DPP10: variants seen among roughly 807,000 people sequenced by gnomAD.
The protein encoded by DPP10 is inactive dipeptidyl peptidase 10.
A neutral mutation model predicts 120.9 loss-of-function variants in DPP10; 33 were observed. That is an observed-to-expected ratio of 0.27 (90% CI 0.21 to 0.37). The LOEUF (loss-of-function observed/expected upper bound fraction) is 0.37, where lower values mean the gene tolerates loss of function less well. DPP10 is among the 10% of genes least tolerant of loss of function. DPP10 has a pLI of 1.00. For missense variants in DPP10, 816 were observed against 942.8 expected (o/e 0.87, Z 1.76); for synonymous variants, 337 against 326.1 (o/e 1.03, Z -0.36).
At chr2:114,743,782 T>C (rs532584191) in intron 1 of DPP10, among the ~76,000 whole-genome samples, 1 of 152,122 alleles carries the variant, frequency 6.6e-6, no homozygotes, top group Non-Finnish European at 1.5e-5. Flanking sequence ...AGAAGTTTCA[T>C]AGAGCCACAT....
At chr2:114,907,179 C>T (rs1694036520) in intron 1 of DPP10, among the ~76,000 whole-genome samples, 1 of 151,844 alleles carries the variant, frequency 6.6e-6, no homozygotes, top group South Asian at 2.1e-4. Flanking sequence ...GTAATTTTAG[C>T]AATGTAAGTC....
intron 1 of DPP10, among the ~76,000 whole-genome samples, chr2:115,069,461 T>C (rs1022692641): frequency 6.6e-6 from 1 of 152,102 alleles, no homozygotes; most frequent in Admixed American, 6.5e-5. Flanking sequence ...TTTTTCCATA[T>C]ATACAGTCAT....
At chr2:115,046,199 A>G (rs1705058752) in intron 1 of DPP10, among the ~76,000 whole-genome samples, 1 of 152,224 alleles carries the variant, frequency 6.6e-6, no homozygotes, top group South Asian at 2.1e-4. Flanking sequence ...CCATCTGTAA[A>G]ATTATCATTT....
chr2:115,286,245 C>A (rs1253078020), intron 1 of DPP10, among the ~76,000 whole-genome samples: 1 of 151,132 alleles, frequency 6.6e-6, no homozygotes, highest in Non-Finnish European at 1.5e-5. Context: ...TTGGCTGATG[C>A]AGTTTTTGTG....
chr2:115,628,370 T>C (rs2085539369), intron 5 of DPP10, among the ~76,000 whole-genome samples: 1 of 152,182 alleles, frequency 6.6e-6, no homozygotes, highest in Admixed American at 6.5e-5. Context: ...TGTTGTTTGT[T>C]TTGTTTCTTG....
Position 115,842,786 on chromosome 2 carries a change from G to C in DPP10, c.*441G>C, listed in dbSNP as rs1020131286. 2 of 153,022 alleles carry C rather than the reference G, an allele frequency of 1.3e-5. No homozygotes were observed. The highest frequency in any genetic ancestry group is 4.8e-5 in the African/African-American group (2 of 41,432). The allele number at this position is 153,022 out of a possible 1,614,324, so 9.5% of individuals were successfully genotyped here. A position where few individuals can be genotyped will look rare whatever the true frequency, so the allele number is the denominator to read the frequency against. ...ACACTTTACTGTACCTTTATAATAA[G>C]TGCAATTCTTTCATTGTCTATTATT... On this transcript the variant is annotated 3_prime_UTR_variant, in exon 26 of 26. Transcript: ENST00000410059.
intron 1 of DPP10, among the ~76,000 whole-genome samples, chr2:114,772,989 A>G (rs1002365241): frequency 2.0e-5 from 3 of 152,220 alleles, no homozygotes; most frequent in African/African-American, 7.2e-5. Flanking sequence ...AATCTGGCTT[A>G]GAGAGAGTAG....
At chr2:115,603,560 G>GT (rs10637786) in intron 5 of DPP10, among the ~76,000 whole-genome samples, 7 of 126,428 alleles carry the variant, frequency 5.5e-5, no homozygotes, top group South Asian at 2.5e-4. Flanking sequence ...CGTTGTTGTT[G>GT]TTTTTTTTTG....
rs1396406871 is a variant in DPP10, at chr2:114,727,315, C to T, written c.60+284477C>T. On this transcript the variant is annotated intron_variant, in intron 1 of 25. Coordinates refer to ENST00000410059, the MANE Select transcript of DPP10 (RefSeq NM_020868.6). The stretch of plus-strand genomic sequence containing the variant: ...GACAAGGTCTTCAGAGACTCTTCCT[C>T]GAGGCTGGTTTGCAGCTGGGAACAT... 3.9e-5 allele frequency among the ~76,000 whole-genome samples: 6 copies of T among 152,246 alleles called. No homozygotes were observed. In the East Asian group the frequency reaches 7.7e-4, roughly 20 times the overall value.
chr2:114,629,653 A>G (rs1210537016), intron 1 of DPP10, among the ~76,000 whole-genome samples: 1 of 152,220 alleles, frequency 6.6e-6, no homozygotes, highest in Non-Finnish European at 1.5e-5. Context: ...TGAAATAGTG[A>G]GGTTTCTACA....
intron 3 of DPP10, among the ~76,000 whole-genome samples, chr2:115,438,900 T>C (rs34609071): frequency 1.0e-4 from 5 of 48,490 alleles, no homozygotes; most frequent in East Asian, 7.9e-4. Context: ...TGTGGAATAG[T>C]GGCTAAGATG....
intron 1 of DPP10, among the ~76,000 whole-genome samples, chr2:114,850,850 T>A (rs184949338): frequency 8.0e-4 from 122 of 152,304 alleles, no homozygotes; most frequent in East Asian, 3.9e-4. Context: ...GAATATTATT[T>A]TTTTTTTCCT....
chr2:115,765,039 A>G (rs941351813), intron 12 of DPP10, among the ~76,000 whole-genome samples: 2 of 152,108 alleles, frequency 1.3e-5, no homozygotes, highest in Non-Finnish European at 2.9e-5. Flanking sequence ...TTGTGTGTCA[A>G]AAACACTGAC....
chr2:115,622,909 C>T (rs980468899), intron 5 of DPP10, among the ~76,000 whole-genome samples: 1 of 147,016 alleles, frequency 6.8e-6, no homozygotes, highest in Non-Finnish European at 1.5e-5. Flanking sequence ...GTGGCTCTAT[C>T]TCTGCTCACT....
chr2:114,864,184 T>C (rs1180266555), intron 1 of DPP10, among the ~76,000 whole-genome samples: 1 of 152,226 alleles, frequency 6.6e-6, no homozygotes, highest in Non-Finnish European at 1.5e-5. Context: ...TCTCTTTTTT[T>C]CCATGGAAAC....
intron 4 of DPP10, among the ~76,000 whole-genome samples, chr2:115,510,327 T>G (rs2148832251): frequency 6.6e-6 from 1 of 152,350 alleles, no homozygotes. Flanking sequence ...TGAGTGGATT[T>G]TTTAATATGA....
chr2:115,447,042 AG>A (rs769150502), intron 3 of DPP10, among the ~76,000 whole-genome samples: 5 of 152,204 alleles, frequency 3.3e-5, no homozygotes, highest in Non-Finnish European at 5.9e-5. Context: ...CCAACCCATG[AG>A]AACAGACGCG....
intron 1 of DPP10, among the ~76,000 whole-genome samples, chr2:114,726,033 C>A (rs1330919656): frequency 1.3e-5 from 2 of 151,992 alleles, no homozygotes; most frequent in Non-Finnish European, 2.9e-5. Flanking sequence ...GAGATCGAGA[C>A]CATCCTGGCT....
chr2:114,721,752 T>G (rs1186393421), intron 1 of DPP10, among the ~76,000 whole-genome samples: 2 of 152,238 alleles, frequency 1.3e-5, no homozygotes, highest in Non-Finnish European at 2.9e-5. Context: ...TATCACATGA[T>G]TCCAGATACA....
Sources: allele counts gnomAD v4.1 joint callset (sites outside exome capture counted in the v4.1 genomes callset), GRCh38; gene constraint gnomAD v4.1.1; transcripts MANE v1.5; gene names NCBI Gene and HGNC (gene_info 2026-07-23, HGNC 2026-07-21).